The following ANKRD30B variants were observed in gnomAD, a reference collection of about 807,000 sequenced individuals.
ANKRD30B encodes ankyrin repeat domain-containing protein 30B.
Under a neutral mutation model 202.2 loss-of-function variants are expected in ANKRD30B, and 144 were observed. That is an observed-to-expected ratio of 0.71 (90% confidence interval 0.62 to 0.82). The LOEUF (loss-of-function observed/expected upper bound fraction) is 0.82, where lower values mean the gene tolerates loss of function less well. Among genes scored for constraint, ANKRD30B ranks in the 40% least tolerant of loss-of-function variants. ANKRD30B has a pLI of 0.00. For synonymous variants in ANKRD30B, 508 were observed against 561.3 expected, an observed-to-expected ratio of 0.91 and a Z score of 1.34; for missense variants, 1,487 against 1,669.1, an observed-to-expected ratio of 0.89 and a Z score of 1.90.
At chr18:14,799,018 T>A (rs1018678363) in intron 20 of ANKRD30B, 83 bp from the exon 21 acceptor site, 12 of 1,301,990 alleles carry the variant, frequency 9.2e-6, no homozygotes, top group Non-Finnish European at 1.3e-5. Context: ...TGAGGATTCG[T>A]CTTCATATTC....
In ANKRD30B at chr18:14,853,797, A is replaced by G. The variant is rs1971983400; in HGVS notation, c.4477-12A>G. On this transcript the variant is annotated splice_polypyrimidine_tract_variant and intron_variant, in intron 42 of 43. Transcript: ENST00000690538. ...TAAGATGATTCACAAAATCAAAAAC[A>G]TGTCTTTTCAGGTCATTGTGAGACA... Among the ~76,000 whole-genome samples, 1 of 152,172 alleles carries G rather than the reference A, an allele frequency of 6.6e-6. No homozygotes were observed. Among genetic ancestry groups the G allele is most frequent in the South Asian group, 2.1e-4 (1 of 4,828 alleles).
Position 14,808,710 on chromosome 18 carries a change from C to T in ANKRD30B, c.2352C>T (p.Ala784=). 12 of 1,521,554 alleles carry T rather than the reference C, an allele frequency of 7.9e-6. 1 individual carries two copies. In the South Asian group the frequency reaches 1.5e-4, roughly 19 times the overall value. The allele number at this position is 1,521,554 out of a possible 1,614,324, so 94.3% of individuals were successfully genotyped here. ...CGRKVSLPNK[A]LELKDRETLK... is the part of the protein sequence containing the mutation. ...GGAAAGTTTCTCTTCCAAATAAAGC[C>T]TTAGAATTAAAGGACAGAGAAACAC... The change falls in exon 26 of 44, where the codon GCC becomes GCT. Residue 784 remains alanine, a synonymous_variant. Transcript: ENST00000690538.
chr18:14,766,493 A>AAAAAAAAAAAAAAAGAAAAGAAAAG (rs1567989711), intron 7 of ANKRD30B, among the ~76,000 whole-genome samples: 1 of 85,004 alleles, frequency 1.2e-5, no homozygotes, highest in Non-Finnish European at 2.7e-5. Context: ...AAAAAAAAAA[A>AAAAAAAAAAAAAAAGAAAAGAAAAG]AAAAGAAAAG....
At chr18:14,866,360 C>G in the ANKRD30B span, among the ~76,000 whole-genome samples, 10 of 151,968 alleles carry the variant, frequency 6.6e-5, no homozygotes, top group African/African-American at 2.4e-4. Context: ...GGAGGGTGGC[C>G]TGAGTGGTAG....
intron 24 of ANKRD30B, among the ~76,000 whole-genome samples, chr18:14,807,805 T>A (rs1464710315): frequency 2.6e-5 from 4 of 151,052 alleles, no homozygotes; most frequent in Non-Finnish European, 4.4e-5. Flanking sequence ...GTTCTGGAGA[T>A]ACAGGCATGA....
chr18:14,755,710 A>G (rs971355933), intron 4 of ANKRD30B, among the ~76,000 whole-genome samples: 4 of 152,142 alleles, frequency 2.6e-5, no homozygotes, highest in African/African-American at 7.2e-5. Flanking sequence ...AGCTTCATCC[A>G]TGTTCCTACA....
Position 14,748,555 on chromosome 18 carries a change from G to A in ANKRD30B, c.136G>A (p.Ala46Thr), listed in dbSNP as rs1420856921. 1.9e-6 allele frequency: 3 copies of A among 1,558,108 alleles called. No individual in the cohort carries two copies. Among genetic ancestry groups the A allele is most frequent in the Non-Finnish European group, 2.6e-6 (3 of 1,150,554 alleles). ...GGATCTAGGGAAGATCCATACAGCT[G>A]CCTCCCGGGGCCAAGTCCAGAAGCT... ...FGDLGKIHTA[A>T]SRGQVQKLEK... is the part of the protein sequence containing the mutation. The change falls in exon 1 of 44, where the codon GCC (alanine) becomes ACC (threonine). Residue 46 changes from alanine (A) to threonine (T), a missense_variant. Physicochemically the swap from Ala to Thr is moderately conservative, Grantham distance 58 (BLOSUM62 0). Transcript: ENST00000690538.
the ANKRD30B span, among the ~76,000 whole-genome samples, chr18:14,868,751 G>T: frequency 2.0e-5 from 3 of 152,298 alleles, no homozygotes; most frequent in Non-Finnish European, 4.4e-5. Context: ...CCTGCCCATG[G>T]TGTCACCTGG....
the ANKRD30B span, among the ~76,000 whole-genome samples, chr18:14,875,254 C>T: frequency 1.3e-5 from 2 of 152,152 alleles, no homozygotes; most frequent in Non-Finnish European, 2.9e-5. Context: ...CATAACCTTG[C>T]AGACTTTCGG....
At chr18:14,888,949 G>C in the ANKRD30B span, 5 of 858,696 alleles carry the variant, frequency 5.8e-6, no homozygotes, top group Admixed American at 1.3e-4. Context: ...GATTTTTAGA[G>C]AGGCTCAATT....
At chr18:14,827,183 C>T (rs1970704500) in intron 32 of ANKRD30B, among the ~76,000 whole-genome samples, 1 of 152,090 alleles carries the variant, frequency 6.6e-6, no homozygotes, top group African/African-American at 2.4e-5. Flanking sequence ...GGTTGGGATA[C>T]AGGAACAGAC....
chr18:14,901,120 A>T, the ANKRD30B span, among the ~76,000 whole-genome samples: 1 of 152,176 alleles, frequency 6.6e-6, no homozygotes, highest in African/African-American at 2.4e-5. Flanking sequence ...GTTGCTTGGC[A>T]TTCACAGGTT....
chr18:14,780,242 T>C (rs1449587114), intron 11 of ANKRD30B, among the ~76,000 whole-genome samples: 3 of 152,090 alleles, frequency 2.0e-5, no homozygotes, highest in African/African-American at 7.2e-5. Context: ...GTTCAGGAGT[T>C]TGAGACCAGC....
intron 8 of ANKRD30B, among the ~76,000 whole-genome samples, chr18:14,769,858 T>C (rs1192434688): frequency 2.0e-5 from 3 of 152,240 alleles, no homozygotes; most frequent in African/African-American, 7.2e-5. Flanking sequence ...CAGTACCTTG[T>C]TATTATCATC....
At position 14,851,754 on chromosome 18, in the gene ANKRD30B, G is replaced by A. The variant is rs576681875; in HGVS notation, c.3810G>A (p.Leu1270=). The A allele has an allele frequency of 2.9e-4, 450 of 1,551,132 alleles. 16 individuals are homozygous for A. The highest frequency in any genetic ancestry group is 3.7e-4 in the Non-Finnish European group (421 of 1,135,604). Residue 1270 remains leucine, a synonymous_variant, in exon 42 of 44, where the codon CTG becomes CTA. Transcript: ENST00000690538. The part of the protein sequence containing the change: ...ASQYREQLKV[L]TAENTMLTSK... ...AGTATAGAGAGCAGCTTAAAGTTCT[G>A]ACGGCAGAGAACACGATGCTGACTT... is the stretch of plus-strand genomic sequence containing the variant.
the ANKRD30B span, among the ~76,000 whole-genome samples, chr18:14,867,634 T>C: frequency 6.6e-6 from 1 of 152,094 alleles, no homozygotes; most frequent in East Asian, 1.9e-4. Flanking sequence ...CAGGGTCCTG[T>C]GGGTGGAGGA....
At chr18:14,936,794 G>A in the ANKRD30B span, among the ~76,000 whole-genome samples, 3 of 152,244 alleles carry the variant, frequency 2.0e-5, no homozygotes, top group Admixed American at 1.3e-4. Flanking sequence ...ACATCTGCAA[G>A]GATGCTATTT....
chr18:14,921,595 C>G, the ANKRD30B span, among the ~76,000 whole-genome samples: 2 of 152,088 alleles, frequency 1.3e-5, no homozygotes, highest in African/African-American at 4.8e-5. Context: ...CCTTCTAAAC[C>G]AAGCACTATG....
chr18:14,869,364 A>G, the ANKRD30B span, among the ~76,000 whole-genome samples: 4 of 151,558 alleles, frequency 2.6e-5, no homozygotes, highest in Non-Finnish European at 5.9e-5. Context: ...CTAAAAGGAA[A>G]CATGGATGGT....
Sources: gnomAD v4.1 joint callset for allele counts (sites outside exome capture counted in the v4.1 genomes callset) on GRCh38, gnomAD v4.1.1 for gene constraint, MANE v1.5 for transcripts, NCBI Gene and HGNC (gene_info 2026-07-23, HGNC 2026-07-21) for gene names.